The following COX5B variants were observed in gnomAD, a reference collection of about 807,000 sequenced individuals.
The protein encoded by COX5B is cytochrome c oxidase subunit 5B, also known as cytochrome c oxidase subunit 5B, mitochondrial.
A neutral mutation model predicts 16.2 loss-of-function variants in COX5B; 8 were observed. The observed-to-expected ratio is 0.49, with a 90% confidence interval of 0.29 to 0.89. The LOEUF (loss-of-function observed/expected upper bound fraction) is 0.89, where lower values mean the gene tolerates loss of function less well. Ranked by LOEUF, COX5B falls within the 40% of genes least tolerant of loss-of-function variation. COX5B has a pLI of 0.08. For missense variants in COX5B, 161 were observed against 168.7 expected (o/e 0.95, Z 0.25); for synonymous variants, 65 against 67.6 (o/e 0.96, Z 0.19).
At position 97,646,290 on chromosome 2, in the gene COX5B, A is replaced by G. The variant is rs951367354; in HGVS notation, c.103+101A>G. 9.6e-6 allele frequency: 7 copies of G among 725,460 alleles called. No homozygotes were observed. In the African/African-American group the frequency reaches 1.3e-4, roughly 13 times the overall value. 44.9% of individuals were successfully genotyped at this position (725,460 alleles called of 1,614,324 possible). On this transcript the variant is annotated intron_variant, in intron 1 of 3. Coordinates refer to ENST00000258424, the MANE Select transcript of COX5B (RefSeq NM_001862.3). ...GGCTCGTGCAGCTTCTCGAGGTCCCAGTGGCCGCTTTACGGTCCCCAGTGC... is the reference window on the plus strand; with the variant it reads ...GGCTCGTGCAGCTTCTCGAGGTCCCGGTGGCCGCTTTACGGTCCCCAGTGC...
At chr2:97,646,723 C>T (rs540836685) in intron 1 of COX5B, 36 of 245,528 alleles carry the variant, frequency 1.5e-4, no homozygotes, top group African/African-American at 6.8e-4. Context: ...TGGCGCGCGC[C>T]TGTAGTCCCA....
Position 97,648,151 on chromosome 2 carries a change from C to T in COX5B, c.*43C>T, listed in dbSNP as rs777790795. 6.6e-7 allele frequency: 1 copy of T among 1,508,852 alleles called. No individual in the cohort carries two copies. Among genetic ancestry groups the T allele is most frequent in the East Asian group, 2.4e-5 (1 of 42,252 alleles). 93.5% of individuals were successfully genotyped at this position (1,508,852 alleles called of 1,614,324 possible). On this transcript the variant is annotated 3_prime_UTR_variant, in exon 4 of 4. Coordinates refer to ENST00000258424, the MANE Select transcript of COX5B (RefSeq NM_001862.3). ...CTCAAAATGTGCTGTAAAGTTTCTTCTTTCCAGTAAAGACTAGCCATTGCA... is the reference window on the plus strand; with the variant it reads ...CTCAAAATGTGCTGTAAAGTTTCTTTTTTCCAGTAAAGACTAGCCATTGCA...
chr2:97,647,127 CA>C lies in COX5B; in HGVS notation c.167del (p.Lys56ArgfsTer24). Reference sequence around the variant, plus strand: ...TTGGAGAGGGAGATCATGCTGGCTGCAAAGAAGGGACTGGTAAGGAGAAACT... The same window carrying C: ...TTGGAGAGGGAGATCATGCTGGCTGCAAGAAGGGACTGGTAAGGAGAAACT... ...TGLEREIMLAAKKGLDPYNVL... is the reference protein window; with the variant it reads ...TGLEREIMLAXKKGLDPYNVL... On this transcript the variant is annotated frameshift_variant, in exon 2 of 4. Coordinates refer to ENST00000258424, the MANE Select transcript of COX5B (RefSeq NM_001862.3). LOFTEE classifies it high-confidence loss of function. 6.2e-7 allele frequency: 1 copy of C among 1,614,060 alleles called. No individual in the cohort carries two copies. Among genetic ancestry groups the C allele is most frequent in the Non-Finnish European group, 8.5e-7 (1 of 1,179,966 alleles).
chr2:97,647,493 A>G, intron 3 of COX5B, 50 bp downstream of exon 3: 1 of 1,465,782 alleles, frequency 6.8e-7, no homozygotes, highest in Non-Finnish European at 9.5e-7. Context: ...ATATCCTACA[A>G]TAGTGTGTAA....
chr2:97,647,218 G>A (rs1674674270), intron 2 of COX5B, 78 bp downstream of exon 2: 1 of 1,547,394 alleles, frequency 6.5e-7, no homozygotes, highest in South Asian at 1.1e-5. Flanking sequence ...CTCTCTGGGA[G>A]TATTTGATAC....
At chr2:97,647,638 T>G (rs1408197434) in intron 3 of COX5B, among the ~76,000 whole-genome samples, 195 bp downstream of exon 3, 1 of 152,244 alleles carries the variant, frequency 6.6e-6, no homozygotes, top group Non-Finnish European at 1.5e-5. Context: ...ACTGGCTCAC[T>G]GGGAGTGCGG....
chr2:97,648,246 T>G lies in COX5B; in HGVS notation c.*138T>G. ...ATTCTTTGGTAGGCATGGAATATGC[T>G]TATTTTGGGAAAAGCTGTCTGTTAA... On this transcript the variant is annotated 3_prime_UTR_variant, in exon 4 of 4. Transcript: ENST00000258424. The G allele has an allele frequency of 1.3e-6, 1 of 753,348 alleles. No individual in the cohort carries two copies. Among genetic ancestry groups the G allele is most frequent in the Non-Finnish European group, 2.1e-6 (1 of 475,606 alleles). The allele number at this position is 753,348 out of a possible 1,614,324, so 46.7% of individuals were successfully genotyped here.
intron 1 of COX5B, chr2:97,646,795 C>G (rs927610979): frequency 2.0e-5 from 6 of 306,984 alleles, no homozygotes; most frequent in Admixed American, 8.4e-5. Flanking sequence ...TTCCCGTGAG[C>G]CAACATCGCG....
In COX5B at chr2:97,648,272, T is replaced by G. The variant is rs188976865; in HGVS notation, c.*164T>G. The G allele has an allele frequency of 1.6e-6, 1 of 621,800 alleles. No individual in the cohort carries two copies. The highest frequency in any genetic ancestry group is 1.9e-5 in the African/African-American group (1 of 53,764). 38.5% of individuals were successfully genotyped at this position (621,800 alleles called of 1,614,324 possible). On this transcript the variant is annotated 3_prime_UTR_variant, in exon 4 of 4. Transcript: ENST00000258424. ...TATTTTGGGAAAAGCTGTCTGTTAA[T>G]GCTAGCTTGCCATCCACTTACTGAA... is the stretch of plus-strand genomic sequence containing the variant.
rs1202677221 is a variant in COX5B at position 97,646,076 on chromosome 2, T to C, written c.-11T>C. On this transcript the variant is annotated 5_prime_UTR_variant, in exon 1 of 4. Coordinates refer to ENST00000258424, the MANE Select transcript of COX5B (RefSeq NM_001862.3). ...TTGTTCCCGGAAGTTTTGCTGCTAG[T>C]CGCGGACGCAATGGCTTCAAGGTTA... 4 of 1,550,900 alleles carry C rather than the reference T, an allele frequency of 2.6e-6. No homozygotes were observed. The highest frequency in any genetic ancestry group is 3.5e-6 in the Non-Finnish European group (4 of 1,146,004).
In COX5B at chr2:97,647,071, T is replaced by C; in HGVS notation, c.108T>C (p.Gly36=). 1.2e-6 allele frequency: 2 copies of C among 1,614,054 alleles called. No homozygotes were observed. The highest frequency in any genetic ancestry group is 1.7e-6 in the Non-Finnish European group (2 of 1,179,900). ...AAMRSMASGG[G]VPTDEEQATG... ...ATTCACGTTATCTTCCTTTAGGTGG[T>C]GTTCCCACTGATGAAGAGCAGGCGA... Residue 36 remains glycine, a synonymous_variant, in exon 2 of 4, where the codon GGT becomes GGC. Coordinates refer to ENST00000258424, the MANE Select transcript of COX5B (RefSeq NM_001862.3).
Position 97,647,366 on chromosome 2 carries a change from C to T in COX5B, c.200C>T (p.Pro67Leu), listed in dbSNP as rs1200576717. Residue 67 changes from proline (P) to leucine (L), a missense_variant, in exon 3 of 4, where the codon CCA (proline) becomes CTA (leucine). Coordinates refer to ENST00000258424, the MANE Select transcript of COX5B (RefSeq NM_001862.3). ...CAGGACCCATACAATGTACTGGCCC[C>T]AAAGGGAGCTTCAGGCACCAGGGAA... ...KGLDPYNVLA[P>L]KGASGTREDP... 1.2e-6 allele frequency: 2 copies of T among 1,613,974 alleles called. No individual in the cohort carries two copies. The highest frequency in any genetic ancestry group is 2.7e-5 in the African/African-American group (2 of 74,902).
intron 3 of COX5B, 34 bp downstream of exon 3, chr2:97,647,477 C>A: frequency 1.3e-6 from 2 of 1,528,726 alleles, no homozygotes; most frequent in Non-Finnish European, 1.8e-6. Context: ...TATCCACTTG[C>A]TTAATATATC....
chr2:97,646,182 A>T lies in COX5B; in HGVS notation c.96A>T (p.Ala32=), dbSNP rs1488661292. The change falls in exon 1 of 4, where the codon GCA becomes GCT. Residue 32 remains alanine, a synonymous_variant. Transcript: ENST00000258424. ...PSGAAAMRSM[A]SGGGVPTDEE... Reference sequence around the variant, plus strand: ...GCGCGGCCGCGATGCGCTCCATGGCATCTGGAGGTACTCGGGTCTCCGGGC... The same window carrying T: ...GCGCGGCCGCGATGCGCTCCATGGCTTCTGGAGGTACTCGGGTCTCCGGGC... 1 of 1,544,776 alleles carries T rather than the reference A, an allele frequency of 6.5e-7. No homozygotes were observed. Among genetic ancestry groups the T allele is most frequent in the East Asian group, 2.4e-5 (1 of 40,864 alleles).
Position 97,646,187 on chromosome 2 carries a change from G to A in COX5B, c.101G>A (p.Gly34Glu), listed in dbSNP as rs1270062528. 2 of 1,542,908 alleles carry A rather than the reference G, an allele frequency of 1.3e-6. No homozygotes were observed. Among genetic ancestry groups the A allele is most frequent in the Non-Finnish European group, 8.8e-7 (1 of 1,141,758 alleles). Residue 34 changes from glycine to glutamate, a missense_variant and splice_region_variant, in exon 1 of 4, where the codon GGA becomes GAA. Transcript: ENST00000258424. ...GCCGCGATGCGCTCCATGGCATCTG[G>A]AGGTACTCGGGTCTCCGGGCGTGCC... ...GAAAMRSMAS[G>E]GGVPTDEEQA...
intron 2 of COX5B, 33 bp downstream of exon 2, chr2:97,647,173 T>TA: frequency 6.2e-7 from 1 of 1,605,986 alleles, no homozygotes; most frequent in Non-Finnish European, 8.5e-7. Flanking sequence ...GTCTTCTGTG[T>TA]AACTTATGGC....
At chr2:97,647,161 G>C in intron 2 of COX5B, 21 bp downstream of exon 2, 2 of 1,610,376 alleles carry the variant, frequency 1.2e-6, no homozygotes, top group Admixed American at 1.7e-5. Flanking sequence ...ACTCCCTTCT[G>C]TGTCTTCTGT....
At position 97,646,144 on chromosome 2, in the gene COX5B, C is replaced by A; in HGVS notation, c.58C>A (p.Arg20Ser). The change falls in exon 1 of 4, where the codon CGC becomes AGC. Residue 20 changes from arginine (R) to serine (S), a missense_variant. Arg to Ser is a moderately radical substitution (Grantham distance 110, BLOSUM62 -1). Coordinates refer to ENST00000258424, the MANE Select transcript of COX5B (RefSeq NM_001862.3). ...GCTGGCCGCGCAGGCCCTGAGGGCT[C>A]GCGGCCCCAGTGGCGCGGCCGCGAT... Reference protein sequence around the residue: ...GTLAAQALRARGPSGAAAMRS... With the variant: ...GTLAAQALRASGPSGAAAMRS... 2 of 1,556,318 alleles carry A rather than the reference C, an allele frequency of 1.3e-6. No individual in the cohort carries two copies. Among genetic ancestry groups the A allele is most frequent in the East Asian group, 2.4e-5 (1 of 41,316 alleles).
intron 3 of COX5B, 90 bp downstream of exon 3, chr2:97,647,533 A>G (rs988308254): frequency 8.9e-7 from 1 of 1,120,844 alleles, no homozygotes; most frequent in Non-Finnish European, 1.3e-6. Flanking sequence ...GTGTGAGTGC[A>G]TGTTGGTAAG....
Sources: allele counts gnomAD v4.1 joint callset (sites outside exome capture counted in the v4.1 genomes callset), GRCh38; gene constraint gnomAD v4.1.1; transcripts MANE v1.5; gene names NCBI Gene and HGNC (gene_info 2026-07-23, HGNC 2026-07-21).